Variants in ADAMTS12 observed in about 807,000 individuals in gnomAD.
ADAMTS12 encodes the protein ADAM metallopeptidase with thrombospondin type 1 motif 12.
ADAMTS12 carries 118 observed loss-of-function variants against 167.8 expected under a neutral mutation model. The ratio of observed to expected loss-of-function variants is 0.70; its 90% CI spans 0.61 to 0.82. ADAMTS12 has a LOEUF of 0.82. Ranked by LOEUF, ADAMTS12 falls within the 40% of genes least tolerant of loss-of-function variation. The pLI is 0.00. For missense variants in ADAMTS12, 1,916 were observed against 1,998.8 expected (o/e 0.96, Z 0.79); for synonymous variants, 704 against 716.9 (o/e 0.98, Z 0.29).
chr5:33,742,790 C>T (rs1158310606), intron 3 of ADAMTS12, among the ~76,000 whole-genome samples: 1 of 151,616 alleles, frequency 6.6e-6, no homozygotes, highest in East Asian at 1.9e-4. Context: ...ACCAGATGCT[C>T]ATGACTATGG....
intron 2 of ADAMTS12, among the ~76,000 whole-genome samples, chr5:33,831,098 G>A (rs991181334): frequency 2.6e-5 from 4 of 151,992 alleles, no homozygotes; most frequent in African/African-American, 9.7e-5. Context: ...TGATACACCA[G>A]AAGAATGGTT....
intron 22 of ADAMTS12, among the ~76,000 whole-genome samples, chr5:33,539,066 G>A (rs256642): frequency 3.9e-5 from 6 of 151,936 alleles, no homozygotes; most frequent in Non-Finnish European, 5.9e-5. Flanking sequence ...CTCAGCCTCC[G>A]GAGTAGCTGG....
At chr5:33,725,969 C>A (rs1561237251) in intron 3 of ADAMTS12, among the ~76,000 whole-genome samples, 1 of 152,310 alleles carries the variant, frequency 6.6e-6, no homozygotes, top group East Asian at 1.9e-4. Flanking sequence ...GAACATACAT[C>A]CCTAACTCTT....
intron 2 of ADAMTS12, among the ~76,000 whole-genome samples, chr5:33,839,427 C>T (rs557580217): frequency 1.3e-5 from 2 of 152,174 alleles, no homozygotes; most frequent in African/African-American, 2.4e-5. Context: ...TTTATTGTCA[C>T]GCTAATTGGT....
intron 23 of ADAMTS12, among the ~76,000 whole-genome samples, chr5:33,528,721 A>C (rs1200715209): frequency 6.6e-6 from 1 of 152,194 alleles, no homozygotes; most frequent in Non-Finnish European, 1.5e-5. Flanking sequence ...TACTATTCAG[A>C]GTGTCAAGCC....
intron 1 of ADAMTS12, among the ~76,000 whole-genome samples, chr5:33,884,343 A>G (rs969016535): frequency 2.6e-5 from 4 of 152,138 alleles, no homozygotes; most frequent in Admixed American, 2.6e-4. Context: ...GGCTCAAAAG[A>G]AGCAACCATG....
rs374576937 is a variant in ADAMTS12, at chr5:33,648,953, A to G, written c.1348T>C (p.Phe450Leu). Reference protein sequence around the residue: ...ITRFLDRGWGFCLDDIPKKKG... With the variant: ...ITRFLDRGWGLCLDDIPKKKG... Reference sequence around the variant, plus strand: ...TTTTTAGGTATGTCATCAAGACAGAACCCCCAGCCTCGGCTGAAAACAAGT... The same window carrying G: ...TTTTTAGGTATGTCATCAAGACAGAGCCCCCAGCCTCGGCTGAAAACAAGT... The change falls in exon 9 of 24, where the codon TTC (phenylalanine) becomes CTC (leucine). Residue 450 changes from phenylalanine (F) to leucine (L), a missense_variant. Transcript: ENST00000504830. The G allele has an allele frequency of 6.2e-7, 1 of 1,613,806 alleles. No individual in the cohort carries two copies. Among genetic ancestry groups the G allele is most frequent in the Non-Finnish European group, 8.5e-7 (1 of 1,179,804 alleles).
intron 11 of ADAMTS12, 78 bp downstream of exon 11, chr5:33,641,732 G>A (rs896272564): frequency 7.2e-6 from 10 of 1,396,820 alleles, no homozygotes; most frequent in Middle Eastern, 1.9e-4. Flanking sequence ...GGTCACTGAG[G>A]TCATGCCATT....
At chr5:33,533,417 A>T (rs369967811) in intron 23 of ADAMTS12, among the ~76,000 whole-genome samples, 10 of 152,330 alleles carry the variant, frequency 6.6e-5, no homozygotes, top group East Asian at 3.9e-4. Context: ...TCAAACTTTG[A>T]TGTGCACATG....
At chr5:33,752,093 C>G (rs1745012020) in intron 2 of ADAMTS12, among the ~76,000 whole-genome samples, 1 of 152,208 alleles carries the variant, frequency 6.6e-6, no homozygotes, top group South Asian at 2.1e-4. Context: ...TTTCAGGGGC[C>G]TACAGCAGAA....
At chr5:33,734,158 A>G (rs1744287815) in intron 3 of ADAMTS12, among the ~76,000 whole-genome samples, 1 of 152,178 alleles carries the variant, frequency 6.6e-6, no homozygotes, top group Non-Finnish European at 1.5e-5. Context: ...AGAGACAACA[A>G]TATCCTTCCT....
intron 2 of ADAMTS12, among the ~76,000 whole-genome samples, chr5:33,836,369 C>A (rs1056968244): frequency 3.4e-4 from 52 of 152,316 alleles, no homozygotes; most frequent in African/African-American, 1.2e-3. Context: ...ATGCAAATGC[C>A]AGCTAGACAG....
chr5:33,540,214 C>A (rs1561110807), intron 22 of ADAMTS12, among the ~76,000 whole-genome samples: 2 of 152,242 alleles, frequency 1.3e-5, no homozygotes, highest in Non-Finnish European at 2.9e-5. Context: ...GCTAGCGCAG[C>A]AGTCTGAGAT....
Position 33,847,017 on chromosome 5 carries a change from G to A in ADAMTS12, c.489+34102C>T, listed in dbSNP as rs117470346. On this transcript the variant is annotated intron_variant, in intron 2 of 23. Transcript: ENST00000504830. Reference sequence around the variant, plus strand: ...TCTCTCCCACTTTGCTACTTATCCAGGCAAGACACCAGCTGCCTCTGATCA... The same window carrying A: ...TCTCTCCCACTTTGCTACTTATCCAAGCAAGACACCAGCTGCCTCTGATCA... Among the ~76,000 whole-genome samples, 352 of 152,230 alleles carry A rather than the reference G, an allele frequency of 2.3e-3. 5 individuals carry two copies. The highest frequency in any genetic ancestry group is 0.016 in the Admixed American group (237 of 15,290).
intron 12 of ADAMTS12, among the ~76,000 whole-genome samples, chr5:33,635,432 C>T (rs151174505): frequency 1.3e-5 from 2 of 152,258 alleles, no homozygotes; most frequent in East Asian, 3.9e-4. Context: ...CAGGCATGGG[C>T]TAACTCTTGG....
intron 2 of ADAMTS12, among the ~76,000 whole-genome samples, chr5:33,819,901 G>A (rs12514368): frequency 0.22 from 33,823 of 152,006 alleles, 4,231 homozygotes; most frequent in Admixed American, 0.29. Context: ...TGGCCATCTC[G>A]GAAGGGAAAA....
intron 5 of ADAMTS12, 118 bp from the exon 6 acceptor site, chr5:33,662,158 G>C (rs1741282781): frequency 7.5e-7 from 1 of 1,335,708 alleles, no homozygotes; most frequent in East Asian, 2.4e-5. Context: ...GGGTGCATCA[G>C]ACATTTGGCA....
At position 33,643,383 on chromosome 5, in the gene ADAMTS12, TCTC is replaced by T. The variant is rs1740540206; in HGVS notation, c.1564_1566del (p.Glu522del). ...TCCTCGGCCTGACGCATCACCTTCT[TCTC>T]ACCACATTGAGTTCCATCTGCAGCA... On this transcript the variant is annotated inframe_deletion, in exon 10 of 24. Coordinates refer to ENST00000504830, the MANE Select transcript of ADAMTS12 (RefSeq NM_030955.4). The T allele has an allele frequency of 6.2e-7, 1 of 1,613,960 alleles. No homozygotes were observed.
intron 5 of ADAMTS12, among the ~76,000 whole-genome samples, chr5:33,664,406 C>A (rs1301405452): frequency 6.6e-6 from 1 of 151,940 alleles, no homozygotes; most frequent in Admixed American, 6.6e-5. Context: ...GGTAAAAAAG[C>A]AATTCACTGA....
Sources: gnomAD v4.1 joint callset for allele counts (sites outside exome capture counted in the v4.1 genomes callset) on GRCh38, gnomAD v4.1.1 for gene constraint, MANE v1.5 for transcripts, NCBI Gene and HGNC (gene_info 2026-07-23, HGNC 2026-07-21) for gene names.